The following DLGAP1 variants were observed in gnomAD, a reference collection of about 807,000 sequenced individuals.
DLGAP1 encodes the protein DLG associated protein 1.
Under a neutral mutation model 90.8 loss-of-function variants are expected in DLGAP1, and 11 were observed. The observed-to-expected ratio is 0.12, with a 90% CI of 0.08 to 0.20. The LOEUF is 0.20. DLGAP1 is among the 10% of genes least tolerant of loss of function. The pLI, the probability that DLGAP1 is intolerant of heterozygous loss-of-function variation, is 1.00. For synonymous variants in DLGAP1, 558 were observed against 540.7 expected (o/e 1.03, Z -0.44); for missense variants, 1,050 against 1,333.8 (o/e 0.79, Z 3.31).
At chr18:3,663,108 C>A (rs2059744637) in intron 7 of DLGAP1, among the ~76,000 whole-genome samples, 1 of 151,986 alleles carries the variant, frequency 6.6e-6, no homozygotes, top group Non-Finnish European at 1.5e-5. Context: ...CCCGTCTCTA[C>A]TAAAAATACA....
In DLGAP1 at chr18:3,710,086, C is replaced by A. The variant is rs115782602; in HGVS notation, c.1591+19049G>T. On this transcript the variant is annotated intron_variant, in intron 7 of 12. Transcript: ENST00000315677. ...GGAAGTGATTCTTCCTGTGTGGCTA[C>A]GTTTAGCACATATAGCTTGGGACAT... Among the ~76,000 whole-genome samples, 1,091 of 152,284 alleles carry A rather than the reference C, an allele frequency of 7.2e-3. 21 individuals are homozygous for A. Among genetic ancestry groups the A allele is most frequent in the African/African-American group, 0.025 (1,029 of 41,556 alleles).
chr18:4,180,860 G>A (rs1406338191), intron 1 of DLGAP1, among the ~76,000 whole-genome samples: 1 of 152,136 alleles, frequency 6.6e-6, no homozygotes, highest in African/African-American at 2.4e-5. Flanking sequence ...AATGTTCAGA[G>A]CTCTGCTTGT....
chr18:4,266,758 C>A (rs527282762), intron 1 of DLGAP1, among the ~76,000 whole-genome samples: 6 of 152,228 alleles, frequency 3.9e-5, no homozygotes, highest in African/African-American at 1.4e-4. Flanking sequence ...TGTCTTATGA[C>A]AACAATGATC....
rs34579551 is a variant in DLGAP1, at chr18:3,626,594, T to TTAAA, written c.1592-44347_1592-44346insTTTA. On this transcript the variant is annotated intron_variant, in intron 7 of 12. Transcript: ENST00000315677. Reference sequence around the variant, plus strand: ...GCTGGGTGACAGAGCAAGAACCTGTTAAAAAAAAAAAAAAAAGCAAAGAAA... The same window carrying TTAAA: ...GCTGGGTGACAGAGCAAGAACCTGTTTAAAAAAAAAAAAAAAAAAAGCAAAGAAA... Among the ~76,000 whole-genome samples the TTAAA allele has an allele frequency of 9.0e-3, 1,178 of 130,538 alleles. 20 individuals are homozygous for TTAAA. The highest frequency in any genetic ancestry group is 0.028 in the African/African-American group (1,029 of 36,440). 85.6% of individuals were successfully genotyped at this position (130,538 alleles called of 152,430 possible).
chr18:4,124,388 C>G (rs138130450), intron 2 of DLGAP1, among the ~76,000 whole-genome samples: 7 of 152,208 alleles, frequency 4.6e-5, no homozygotes, highest in African/African-American at 1.7e-4. Context: ...GTCATTATAT[C>G]TCTCACCAAC....
At chr18:3,684,856 AG>A (rs2060642152) in intron 7 of DLGAP1, among the ~76,000 whole-genome samples, 1 of 152,258 alleles carries the variant, frequency 6.6e-6, no homozygotes, top group Non-Finnish European at 1.5e-5. Flanking sequence ...TCGTGTAAGG[AG>A]GGAAGGCAGC....
At chr18:4,139,601 A>G (rs956906135) in intron 2 of DLGAP1, among the ~76,000 whole-genome samples, 1 of 151,986 alleles carries the variant, frequency 6.6e-6, no homozygotes, top group Non-Finnish European at 1.5e-5. Context: ...CAGCCATTGG[A>G]TGAAATGTTC....
chr18:3,519,430 A>G (rs1200410207), intron 10 of DLGAP1, among the ~76,000 whole-genome samples: 3 of 152,076 alleles, frequency 2.0e-5, no homozygotes, highest in African/African-American at 7.2e-5. Flanking sequence ...CTCCCTCTCT[A>G]ACTCTAATTT....
intron 2 of DLGAP1, among the ~76,000 whole-genome samples, chr18:4,014,335 G>A (rs1417124523): frequency 4.6e-5 from 7 of 152,080 alleles, no homozygotes; most frequent in African/African-American, 2.4e-5. Context: ...TGCCCGCCTC[G>A]GCCTACTTAG....
chr18:4,188,641 G>A (rs548033907), intron 1 of DLGAP1, among the ~76,000 whole-genome samples: 118 of 152,228 alleles, frequency 7.8e-4, no homozygotes, highest in African/African-American at 2.8e-3. Context: ...CAAAGGACAC[G>A]AACTCATTCT....
At chr18:4,195,010 T>C (rs957834503) in intron 1 of DLGAP1, among the ~76,000 whole-genome samples, 9 of 152,200 alleles carry the variant, frequency 5.9e-5, no homozygotes, top group Admixed American at 1.3e-4. Flanking sequence ...TGATGTGAAA[T>C]AGATCTAAAA....
At chr18:4,381,382 C>A (rs1185359430) in intron 1 of DLGAP1, among the ~76,000 whole-genome samples, 1 of 152,128 alleles carries the variant, frequency 6.6e-6, no homozygotes, top group Non-Finnish European at 1.5e-5. Context: ...CTATAGTGAG[C>A]ATATTTCAAA....
intron 4 of DLGAP1, among the ~76,000 whole-genome samples, chr18:3,864,772 C>T (rs994239863): frequency 6.6e-6 from 1 of 152,146 alleles, no homozygotes; most frequent in African/African-American, 2.4e-5. Context: ...CGTTTATGCA[C>T]TGGATACCTG....
At chr18:4,041,223 T>C (rs1189833199) in intron 2 of DLGAP1, among the ~76,000 whole-genome samples, 1 of 152,248 alleles carries the variant, frequency 6.6e-6, no homozygotes, top group African/African-American at 2.4e-5. Flanking sequence ...ATGTAAAATA[T>C]GTTCTATTTC....
intron 5 of DLGAP1, among the ~76,000 whole-genome samples, chr18:3,782,196 G>C (rs2065231911): frequency 6.6e-6 from 1 of 151,752 alleles, no homozygotes; most frequent in African/African-American, 2.4e-5. Flanking sequence ...GAGTGCAGTG[G>C]TGCAATCTCG....
intron 7 of DLGAP1, among the ~76,000 whole-genome samples, chr18:3,715,394 A>C (rs1202650736): frequency 6.6e-6 from 1 of 152,192 alleles, no homozygotes. Flanking sequence ...TTCCTACTAG[A>C]GCTTGCACAG....
At position 3,787,227 on chromosome 18, in the gene DLGAP1, T is replaced by C. The variant is rs537456037; in HGVS notation, c.1172+26832A>G. On this transcript the variant is annotated intron_variant, in intron 5 of 12. Coordinates refer to ENST00000315677, the MANE Select transcript of DLGAP1 (RefSeq NM_004746.4). ...GGCCAGGCGTGGTGGCTTACACCTG[T>C]AATCCCAGCACTTTGGGAGGCCGAG... Among the ~76,000 whole-genome samples, 3 of 152,244 alleles carry C rather than the reference T, an allele frequency of 2.0e-5. No homozygotes were observed. The East Asian group carries it at 5.8e-4, about 29-fold the overall frequency.
intron 7 of DLGAP1, among the ~76,000 whole-genome samples, chr18:3,624,602 AG>A (rs1341218440): frequency 6.6e-6 from 1 of 152,152 alleles, no homozygotes; most frequent in Non-Finnish European, 1.5e-5. Context: ...ACAAATGTTA[AG>A]CATTACCCTT....
intron 5 of DLGAP1, among the ~76,000 whole-genome samples, chr18:3,790,683 A>G (rs1375928989): frequency 6.6e-6 from 1 of 152,202 alleles, no homozygotes; most frequent in Non-Finnish European, 1.5e-5. Context: ...AAGGAAGAGT[A>G]TTTGCCTGCA....
Sources: gnomAD v4.1 joint callset for allele counts (sites outside exome capture counted in the v4.1 genomes callset) on GRCh38, gnomAD v4.1.1 for gene constraint, MANE v1.5 for transcripts, NCBI Gene and HGNC (gene_info 2026-07-23, HGNC 2026-07-21) for gene names.